The following RAPGEF6 variants were observed in gnomAD, a reference collection of about 807,000 sequenced individuals.
RAPGEF6 encodes PDZ domain containing guanine nucleotide exchange factor (GEF) 2.
Under a neutral mutation model 171.4 loss-of-function variants are expected in RAPGEF6, and 56 were observed. The observed-to-expected ratio is 0.33, with a 90% CI of 0.26 to 0.41. RAPGEF6 has a LOEUF of 0.41. RAPGEF6 is among the 10% of genes least tolerant of loss of function. RAPGEF6 has a pLI of 1.00. For synonymous variants in RAPGEF6, 692 were observed against 650.1 expected (o/e 1.06, Z -0.98); for missense variants, 1,674 against 1,921.4 (o/e 0.87, Z 2.41).
At chr5:131,514,999 A>G (rs1434881418) in intron 7 of RAPGEF6, among the ~76,000 whole-genome samples, 1 of 152,188 alleles carries the variant, frequency 6.6e-6, no homozygotes, top group Non-Finnish European at 1.5e-5. Context: ...CTGTATACAT[A>G]AATATAATTT....
intron 16 of RAPGEF6, among the ~76,000 whole-genome samples, chr5:131,478,792 G>A (rs1468065113): frequency 2.0e-5 from 3 of 152,150 alleles, no homozygotes; most frequent in African/African-American, 7.2e-5. Context: ...GAACTTTCAG[G>A]AGGCAAGTAA....
At chr5:131,428,444 C>A (rs1001120015) in intron 27 of RAPGEF6, among the ~76,000 whole-genome samples, 4 of 151,850 alleles carry the variant, frequency 2.6e-5, no homozygotes, top group African/African-American at 2.4e-5. Context: ...AACACTCCCC[C>A]ATACTATATT....
At chr5:131,492,262 G>A (rs908366494) in intron 14 of RAPGEF6, among the ~76,000 whole-genome samples, 11 of 152,164 alleles carry the variant, frequency 7.2e-5, no homozygotes, top group African/African-American at 2.7e-4. Flanking sequence ...TATATTGATC[G>A]TTCTGGAGTA....
intron 1 of RAPGEF6, among the ~76,000 whole-genome samples, chr5:131,628,769 G>A (rs541006503): frequency 3.9e-5 from 6 of 152,094 alleles, no homozygotes; most frequent in African/African-American, 1.2e-4. Flanking sequence ...AAACCCTAAG[G>A]CCCTTAAGAA....
intron 21 of RAPGEF6, among the ~76,000 whole-genome samples, chr5:131,450,656 C>A (rs1753006497): frequency 6.6e-6 from 1 of 152,020 alleles, no homozygotes; most frequent in Non-Finnish European, 1.5e-5. Context: ...TTTTTTAAGT[C>A]TGCAAATTGA....
chr5:131,441,444 A>G (rs952350092), intron 23 of RAPGEF6, among the ~76,000 whole-genome samples: 1 of 152,194 alleles, frequency 6.6e-6, no homozygotes, highest in Non-Finnish European at 1.5e-5. Context: ...CTCAGCCTGA[A>G]GCAACTTCTC....
intron 24 of RAPGEF6, among the ~76,000 whole-genome samples, chr5:131,436,914 G>T (rs1752046365): frequency 6.6e-6 from 1 of 152,112 alleles, no homozygotes; most frequent in African/African-American, 2.4e-5. Context: ...AAGGTCTTTT[G>T]ACTTCTTTTT....
chr5:131,480,640 G>A (rs1475096147), intron 15 of RAPGEF6, among the ~76,000 whole-genome samples: 4 of 151,938 alleles, frequency 2.6e-5, no homozygotes, highest in East Asian at 1.9e-4. Flanking sequence ...CACCACACCC[G>A]GCTAATTTTT....
intron 6 of RAPGEF6, among the ~76,000 whole-genome samples, chr5:131,526,319 A>G (rs1419718619): frequency 6.6e-6 from 1 of 152,138 alleles, no homozygotes; most frequent in Non-Finnish European, 1.5e-5. Flanking sequence ...CCTTTCACAT[A>G]ATTATCTAAC....
intron 20 of RAPGEF6, among the ~76,000 whole-genome samples, chr5:131,454,851 G>A (rs2149826383): frequency 1.3e-5 from 2 of 152,234 alleles, no homozygotes; most frequent in African/African-American, 4.8e-5. Flanking sequence ...TCAAACAAAG[G>A]CAGATTACAG....
intron 4 of RAPGEF6, among the ~76,000 whole-genome samples, chr5:131,569,768 C>T (rs953166527): frequency 1.3e-5 from 2 of 152,050 alleles, no homozygotes; most frequent in Non-Finnish European, 2.9e-5. Context: ...TGGCTGGGCA[C>T]GGTGGCACAC....
In RAPGEF6 at chr5:131,461,822, G is replaced by A; in HGVS notation, c.2747C>T (p.Ser916Leu). 6.2e-7 allele frequency: 1 copy of A among 1,613,840 alleles called. No homozygotes were observed. Among genetic ancestry groups the A allele is most frequent in the Non-Finnish European group, 8.5e-7 (1 of 1,179,784 alleles). Residue 916 changes from serine (S) to leucine (L), a missense_variant, in exon 19 of 28, where the codon TCA becomes TTA. Physicochemically the swap from Ser to Leu is moderately radical, Grantham distance 145 (BLOSUM62 -2). Transcript: ENST00000509018. ...CTGATTTGCTTCAGTTAAAATTTCT[G>A]AGGCAACCCAGAATGTCTCTTGGTT... Reference protein sequence around the residue: ...IVNQETFWVASEILTEANQLK... With the variant: ...IVNQETFWVALEILTEANQLK...
Position 131,510,467 on chromosome 5 carries a change from C to T in RAPGEF6, c.652G>A (p.Val218Ile), listed in dbSNP as rs766004184. The change falls in exon 8 of 28, where the codon GTA becomes ATA. Residue 218 changes from valine to isoleucine, a missense_variant. This residue lies in a region of RAPGEF6 where 1,116 missense variants were observed against 1,321.5 expected (regional missense o/e 0.84). Coordinates refer to ENST00000509018, the MANE Select transcript of RAPGEF6 (RefSeq NM_016340.6). ...YQATESEVGDVDLTRLPEGPV... is the reference protein window; with the variant it reads ...YQATESEVGDIDLTRLPEGPV... ...CCTTCTGGAAGACGTGTCAAATCTA[C>T]ATCTCCTACCTCACTCTCCGTAGCC... 1.2e-6 allele frequency: 2 copies of T among 1,613,988 alleles called. No individual in the cohort carries two copies. The highest frequency in any genetic ancestry group is 1.7e-6 in the Non-Finnish European group (2 of 1,179,966).
At chr5:131,427,390 T>C in intron 27 of RAPGEF6, 99 bp from the exon 28 acceptor site, 1 of 1,068,816 alleles carries the variant, frequency 9.4e-7, no homozygotes. Flanking sequence ...AACAAAGAAA[T>C]CCTCTCAAAC....
chr5:131,596,450 C>T (rs1191604453), intron 3 of RAPGEF6, among the ~76,000 whole-genome samples: 2 of 151,494 alleles, frequency 1.3e-5, no homozygotes, highest in African/African-American at 4.8e-5. Flanking sequence ...AAGCAAATAT[C>T]ATTAGATATA....
At position 131,461,702 on chromosome 5, in the gene RAPGEF6, T is replaced by C; in HGVS notation, c.2864+3A>G. 6.3e-7 allele frequency: 1 copy of C among 1,592,018 alleles called. No homozygotes were observed. Reference sequence around the variant, plus strand: ...ACATTTGTACCTATTTGTACCAACTTACCTTATTATTGCAAACATGGAATT... The same window carrying C: ...ACATTTGTACCTATTTGTACCAACTCACCTTATTATTGCAAACATGGAATT... On this transcript the variant is annotated splice_donor_region_variant and intron_variant, in intron 19 of 27. Coordinates refer to ENST00000509018, the MANE Select transcript of RAPGEF6 (RefSeq NM_016340.6).
intron 27 of RAPGEF6, 27 bp from the exon 28 acceptor site, chr5:131,427,318 T>C: frequency 1.3e-6 from 2 of 1,568,628 alleles, no homozygotes; most frequent in South Asian, 1.1e-5. Context: ...TATAATTAAC[T>C]GGCAGATCAG....
At chr5:131,432,434 T>C (rs965814853) in intron 25 of RAPGEF6, among the ~76,000 whole-genome samples, 4 of 152,006 alleles carry the variant, frequency 2.6e-5, no homozygotes, top group African/African-American at 4.8e-5. Context: ...CTGGCTAACA[T>C]GGTGAAACCC....
At chr5:131,470,578 T>C (rs962489015) in intron 17 of RAPGEF6, among the ~76,000 whole-genome samples, 1 of 152,234 alleles carries the variant, frequency 6.6e-6, no homozygotes, top group African/African-American at 2.4e-5. Context: ...CTAATACTTG[T>C]CTCATGAAAG....
Sources: allele counts gnomAD v4.1 joint callset (sites outside exome capture counted in the v4.1 genomes callset), GRCh38; gene constraint gnomAD v4.1.1; regional missense constraint gnomAD v4.1.1; transcripts MANE v1.5; gene names NCBI Gene and HGNC (gene_info 2026-07-23, HGNC 2026-07-21).